Variants in SLC14A2 observed in about 807,000 individuals in gnomAD.
SLC14A2 encodes solute carrier family 14 member 2.
A neutral mutation model predicts 104.6 loss-of-function variants in SLC14A2; 91 were observed. The ratio of observed to expected loss-of-function variants is 0.87; its 90% CI spans 0.73 to 1.04. The LOEUF is 1.04. SLC14A2 is among the 50% of genes least tolerant of loss of function. The probability of loss-of-function intolerance (pLI) is 0.00; values close to 1 mark genes in which losing one functional copy is unlikely to be tolerated. For missense variants in SLC14A2, 1,189 were observed against 1,156.0 expected, an observed-to-expected ratio of 1.03 and a Z score of -0.41; for synonymous variants, 476 against 466.4, an observed-to-expected ratio of 1.02 and a Z score of -0.27.
intron 1 of SLC14A2, among the ~76,000 whole-genome samples, chr18:45,293,478 C>A (rs2084890623): frequency 6.6e-6 from 1 of 151,820 alleles, no homozygotes; most frequent in Non-Finnish European, 1.5e-5. Flanking sequence ...AGACTAAAGG[C>A]AAATGCCTAT....
chr18:45,203,164 G>A, the SLC14A2 span, among the ~76,000 whole-genome samples: 1 of 152,184 alleles, frequency 6.6e-6, no homozygotes, highest in Non-Finnish European at 1.5e-5. Context: ...TGAAATGACA[G>A]ACCCACGTTA....
intron 2 of SLC14A2, among the ~76,000 whole-genome samples, chr18:45,485,972 A>G (rs2087597140): frequency 6.6e-6 from 1 of 151,722 alleles, no homozygotes; most frequent in Non-Finnish European, 1.5e-5. Flanking sequence ...TGTTTTTCTC[A>G]TCTGTCAAAT....
At chr18:45,466,788 A>C (rs1833411) in intron 1 of SLC14A2, among the ~76,000 whole-genome samples, 128,144 of 151,544 alleles carry the variant, frequency 0.85, 54,192 homozygotes, top group South Asian at 0.93. Flanking sequence ...AGAGGCAGCC[A>C]AGCACCCTGT....
the SLC14A2 span, among the ~76,000 whole-genome samples, chr18:45,195,829 GA>G: frequency 6.6e-6 from 1 of 152,108 alleles, no homozygotes; most frequent in South Asian, 2.1e-4. Flanking sequence ...GATGAGATGG[GA>G]TAGGATAGGG....
At chr18:45,417,001 T>C (rs1916407209) in intron 1 of SLC14A2, among the ~76,000 whole-genome samples, 1 of 152,152 alleles carries the variant, frequency 6.6e-6, no homozygotes, top group South Asian at 2.1e-4. Context: ...CTTGTGCACA[T>C]CCACACAAAT....
chr18:45,285,669 C>T lies in SLC14A2; in HGVS notation c.-125+72478C>T, dbSNP rs967138178. 1.1e-4 allele frequency among the ~76,000 whole-genome samples: 15 copies of T among 139,620 alleles called. 1 individual carries two copies. Among genetic ancestry groups the T allele is most frequent in the South Asian group, 4.7e-4 (2 of 4,216 alleles). 91.6% of individuals were successfully genotyped at this position (139,620 alleles called of 152,430 possible). A position where few individuals can be genotyped will look rare whatever the true frequency, so the allele number is the denominator to read the frequency against. ...CTGACCTCAGGTGATCTGCCCCCCC[C>T]CCCCCTCGGCCTCCCAAAGTGCTGG... is the stretch of plus-strand genomic sequence containing the variant. On this transcript the variant is annotated intron_variant, in intron 1 of 20. Transcript: ENST00000586448.
At chr18:45,395,877 A>G (rs2086024349) in intron 1 of SLC14A2, among the ~76,000 whole-genome samples, 1 of 152,140 alleles carries the variant, frequency 6.6e-6, no homozygotes, top group South Asian at 2.1e-4. Flanking sequence ...CCTCACCCAT[A>G]TAAACACTGG....
chr18:45,231,477 G>A (rs959355177), intron 1 of SLC14A2, among the ~76,000 whole-genome samples: 2 of 152,178 alleles, frequency 1.3e-5, no homozygotes, highest in African/African-American at 2.4e-5. Flanking sequence ...GGGAAGTACT[G>A]TGATTACAGG....
intron 2 of SLC14A2, among the ~76,000 whole-genome samples, chr18:45,511,359 A>G (rs2144787961): frequency 6.6e-6 from 1 of 152,302 alleles, no homozygotes; most frequent in East Asian, 1.9e-4. Flanking sequence ...TAGCTTAAAC[A>G]TTAATTTTTC....
intron 1 of SLC14A2, among the ~76,000 whole-genome samples, chr18:45,328,525 G>C (rs1599678503): frequency 6.6e-6 from 1 of 152,212 alleles, no homozygotes; most frequent in East Asian, 1.9e-4. Context: ...TGAAGTCTCA[G>C]TAACTCCCTC....
chr18:45,191,238 C>T, the SLC14A2 span, among the ~76,000 whole-genome samples: 1 of 152,182 alleles, frequency 6.6e-6, no homozygotes, highest in Admixed American at 6.5e-5. Context: ...TCCCAATTCC[C>T]CTCTGTTAGC....
intron 7 of SLC14A2, among the ~76,000 whole-genome samples, chr18:45,640,645 G>T (rs944936332): frequency 2.0e-5 from 3 of 151,982 alleles, no homozygotes; most frequent in East Asian, 3.9e-4. Context: ...AGATTTTTTT[G>T]GAAGCAAAAC....
rs2045526894 is a variant in SLC14A2, at chr18:45,641,448, C to A, written c.1126+105C>A. The A allele has an allele frequency of 3.8e-6, 5 of 1,323,966 alleles. No homozygotes were observed. The South Asian group carries it at 6.4e-5, about 17-fold the overall frequency. 82.0% of individuals were successfully genotyped at this position (1,323,966 alleles called of 1,614,324 possible). On this transcript the variant is annotated intron_variant, in intron 8 of 19. Coordinates refer to ENST00000255226, the MANE Select transcript of SLC14A2 (RefSeq NM_007163.4). ...ACTAATCAATACTGTTCAGCAGTGACAGAAAGGCCAATGGCTTGCGTCCTA... is the reference window on the plus strand; with the variant it reads ...ACTAATCAATACTGTTCAGCAGTGAAAGAAAGGCCAATGGCTTGCGTCCTA...
chr18:45,513,036 G>A (rs1392637459), intron 2 of SLC14A2, among the ~76,000 whole-genome samples: 3 of 152,276 alleles, frequency 2.0e-5, no homozygotes, highest in African/African-American at 7.2e-5. Flanking sequence ...ATTAGCCTAT[G>A]TCACCACCAA....
chr18:45,365,833 G>A (rs2085660552), intron 1 of SLC14A2, among the ~76,000 whole-genome samples: 2 of 152,074 alleles, frequency 1.3e-5, no homozygotes, highest in African/African-American at 2.4e-5. Flanking sequence ...ACTATTAATA[G>A]TATTGTTACT....
intron 1 of SLC14A2, among the ~76,000 whole-genome samples, chr18:45,369,772 G>A (rs182582321): frequency 6.6e-6 from 1 of 152,280 alleles, no homozygotes; most frequent in East Asian, 1.9e-4. Context: ...TAAGCTCTGA[G>A]AATACAACGA....
intron 2 of SLC14A2, among the ~76,000 whole-genome samples, chr18:45,503,428 A>T (rs16978387): frequency 0.24 from 36,927 of 152,016 alleles, 4,525 homozygotes; most frequent in East Asian, 0.35. Flanking sequence ...TGCTTAACAA[A>T]TCACACCAAC....
At chr18:45,296,274 G>A (rs72906609) in intron 1 of SLC14A2, among the ~76,000 whole-genome samples, 19,388 of 152,164 alleles carry the variant, frequency 0.13, 1,443 homozygotes, top group African/African-American at 0.19. Context: ...TTCCTGTGCC[G>A]GGTCCTGGCA....
At chr18:45,597,582 G>A (rs907870819) in intron 2 of SLC14A2, among the ~76,000 whole-genome samples, 2 of 152,184 alleles carry the variant, frequency 1.3e-5, no homozygotes, top group Admixed American at 6.5e-5. Context: ...TATCAGAGAA[G>A]TGGCCAGAGG....
Sources: gnomAD v4.1 joint callset for allele counts (sites outside exome capture counted in the v4.1 genomes callset) on GRCh38, gnomAD v4.1.1 for gene constraint, MANE v1.5 for transcripts, NCBI Gene and HGNC (gene_info 2026-07-23, HGNC 2026-07-21) for gene names.